Variants in SPTBN1 observed in about 807,000 individuals in gnomAD.
The protein encoded by SPTBN1 is spectrin beta chain, non-erythrocytic 1.
Under a neutral mutation model 266.4 loss-of-function variants are expected in SPTBN1, and 32 were observed. The observed-to-expected ratio is 0.12, with a 90% CI of 0.09 to 0.16. The LOEUF is 0.16. SPTBN1 is among the 10% of genes least tolerant of loss of function. The probability of loss-of-function intolerance (pLI) is 1.00; values close to 1 mark genes in which losing one functional copy is unlikely to be tolerated. For synonymous variants in SPTBN1, 1,336 were observed against 1,162.2 expected (o/e 1.15, Z -3.04); for missense variants, 2,296 against 3,067.1 (o/e 0.75, Z 5.94).
chr2:54,636,828 C>T (rs879754780), intron 17 of SPTBN1, among the ~76,000 whole-genome samples: 42 of 152,212 alleles, frequency 2.8e-4, no homozygotes, highest in Admixed American at 1.3e-3. Flanking sequence ...TCAGGAGTAT[C>T]AAGGAAGTGT....
In SPTBN1 at chr2:54,626,815, G is replaced by A. The variant is rs921913967; in HGVS notation, c.1644+581G>A. ...TAGTATGTGCACAGATCATGGGATGGGCTGGATGGCAGTGGCTGGTCATGC... is the reference window on the plus strand; with the variant it reads ...TAGTATGTGCACAGATCATGGGATGAGCTGGATGGCAGTGGCTGGTCATGC... On this transcript the variant is annotated intron_variant, in intron 12 of 35. Coordinates refer to ENST00000356805, the MANE Select transcript of SPTBN1 (RefSeq NM_003128.3). This position sits in a 1 kb window ranked among gnomAD's most constrained non-coding sequence, Gnocchi z 4.7. Among the ~76,000 whole-genome samples, 14 of 152,202 alleles carry A rather than the reference G, an allele frequency of 9.2e-5. No homozygotes were observed. The highest frequency in any genetic ancestry group is 1.8e-4 in the Non-Finnish European group (12 of 68,038).
intron 1 of SPTBN1, among the ~76,000 whole-genome samples, chr2:54,502,878 A>G (rs1396618968): frequency 6.6e-6 from 1 of 152,166 alleles, no homozygotes; most frequent in Non-Finnish European, 1.5e-5. Context: ...CTTTGCCCTC[A>G]TTGTGTCAGG....
chr2:54,662,177 G>A (rs1345370617), intron 32 of SPTBN1: 4 of 985,282 alleles, frequency 4.1e-6, no homozygotes, highest in Non-Finnish European at 4.8e-6. Flanking sequence ...GTGGGGTTGC[G>A]AGGGATGTGT....
chr2:54,638,850 G>A (rs1458872768), intron 18 of SPTBN1, among the ~76,000 whole-genome samples: 1 of 152,230 alleles, frequency 6.6e-6, no homozygotes, highest in South Asian at 2.1e-4. Flanking sequence ...CACCCTGCAT[G>A]CAAATGTGTG....
intron 2 of SPTBN1, among the ~76,000 whole-genome samples, chr2:54,576,339 C>T (rs901088556): frequency 6.6e-6 from 1 of 152,124 alleles, no homozygotes; most frequent in African/African-American, 2.4e-5. Flanking sequence ...CAGGTGTGAG[C>T]CACCGCGCCC....
intron 2 of SPTBN1, among the ~76,000 whole-genome samples, chr2:54,590,601 C>T (rs1426167084): frequency 6.6e-6 from 1 of 152,144 alleles, no homozygotes; most frequent in African/African-American, 2.4e-5. Flanking sequence ...TAGGAGAGGG[C>T]CTCTTGGTAG....
rs1198609325 is a variant in SPTBN1, at chr2:54,669,209, C to T, written c.*640C>T. On this transcript the variant is annotated 3_prime_UTR_variant, in exon 36 of 36. Transcript: ENST00000356805. ...TCAGTATACAAGAAGGAATAGAAAA[C>T]TGATACTGTTTTAAATAATCTGTAA... The T allele has an allele frequency of 6.6e-6, 1 of 150,558 alleles. No individual in the cohort carries two copies. The highest frequency in any genetic ancestry group is 1.5e-5 in the Non-Finnish European group (1 of 67,918). 9.3% of individuals were successfully genotyped at this position (150,558 alleles called of 1,614,324 possible).
rs1172574743 is a variant in SPTBN1 at position 54,465,266 on chromosome 2, A to G, written c.-48+8748A>G. Among the ~76,000 whole-genome samples the G allele has an allele frequency of 3.9e-5, 6 of 152,278 alleles. No individual in the cohort carries two copies. The East Asian group carries it at 1.2e-3, about 29-fold the overall frequency. ...AACCTAGGCAGCTTGAAAAGAGCAG[A>G]GGACCAGGGTTCTTTGGTATTTCCA... is the stretch of plus-strand genomic sequence containing the variant. On this transcript the variant is annotated intron_variant, in intron 1 of 35. Coordinates refer to ENST00000356805, the MANE Select transcript of SPTBN1 (RefSeq NM_003128.3).
chr2:54,590,659 T>G (rs1675613087), intron 2 of SPTBN1, among the ~76,000 whole-genome samples: 1 of 152,202 alleles, frequency 6.6e-6, no homozygotes, highest in African/African-American at 2.4e-5. Flanking sequence ...AAAACTGCCT[T>G]CTAGGTTAGA....
chr2:54,459,177 ACT>A (rs938958902), intron 1 of SPTBN1, among the ~76,000 whole-genome samples: 81 of 152,252 alleles, frequency 5.3e-4, no homozygotes, highest in African/African-American at 1.8e-3. Context: ...GCTCTTTGTA[ACT>A]CTGTCATTAC....
chr2:54,625,091 C>T (rs1326363377), intron 11 of SPTBN1, 129 bp downstream of exon 11: 1 of 1,059,244 alleles, frequency 9.4e-7, no homozygotes, highest in African/African-American at 1.6e-5. Context: ...CGTCAGGTCA[C>T]CTTGGCCCCT....
intron 1 of SPTBN1, among the ~76,000 whole-genome samples, chr2:54,487,166 A>ATTTTTTTTTTTTTTTTT (rs146845187): frequency 9.6e-6 from 1 of 104,506 alleles, no homozygotes; most frequent in Admixed American, 9.1e-5. Flanking sequence ...CCTCATTAGG[A>ATTTTTTTTTTTTTTTTT]TTTCTTTTTT....
intron 2 of SPTBN1, among the ~76,000 whole-genome samples, chr2:54,564,140 A>AT (rs914618824): frequency 8.7e-4 from 132 of 152,228 alleles, no homozygotes; most frequent in Admixed American, 1.5e-3. Context: ...TTTTTGTTGC[A>AT]TTAAGAATAT....
chr2:54,655,901 C>G lies in SPTBN1; in HGVS notation c.5962-13C>G. On this transcript the variant is annotated splice_polypyrimidine_tract_variant and intron_variant, in intron 28 of 35. Transcript: ENST00000356805. ...TCCATTAAGATGTCCCGGGGATCCT[C>G]TTTTTCATACAGATCAAGGAAAAAT... 6.2e-7 allele frequency: 1 copy of G among 1,609,076 alleles called. No individual in the cohort carries two copies.
At chr2:54,476,297 C>A (rs187938503) in intron 1 of SPTBN1, among the ~76,000 whole-genome samples, 1 of 152,146 alleles carries the variant, frequency 6.6e-6, no homozygotes, top group Admixed American at 6.5e-5. Context: ...GTAATCCTCC[C>A]ATGTAGCCAC....
chr2:54,496,889 C>G (rs1006587075), intron 1 of SPTBN1, among the ~76,000 whole-genome samples: 1 of 152,304 alleles, frequency 6.6e-6, no homozygotes, highest in Non-Finnish European at 1.5e-5. Flanking sequence ...AATGATATTA[C>G]TGTGCTCATG....
At chr2:54,572,101 A>T (rs927959937) in intron 2 of SPTBN1, among the ~76,000 whole-genome samples, 4 of 151,992 alleles carry the variant, frequency 2.6e-5, no homozygotes, top group Non-Finnish European at 5.9e-5. Flanking sequence ...GGTGCTGGGG[A>T]ATTTACTAAA....
rs1253738191 is a variant in SPTBN1 at position 54,630,845 on chromosome 2, G to A, written c.2808-10G>A. On this transcript the variant is annotated splice_polypyrimidine_tract_variant and intron_variant, in intron 15 of 35. Coordinates refer to ENST00000356805, the MANE Select transcript of SPTBN1 (RefSeq NM_003128.3). The stretch of plus-strand genomic sequence containing the variant: ...TTTTTCACACTCGCTGTCTGCCCCT[G>A]CACTCACAGGTGGAGCCAGTTCAGA... 6.4e-7 allele frequency: 1 copy of A among 1,560,372 alleles called. No homozygotes were observed. Among genetic ancestry groups the A allele is most frequent in the Non-Finnish European group, 8.7e-7 (1 of 1,151,408 alleles).
intron 1 of SPTBN1, among the ~76,000 whole-genome samples, chr2:54,505,447 C>G (rs1196725069): frequency 6.6e-6 from 1 of 152,188 alleles, no homozygotes; most frequent in Non-Finnish European, 1.5e-5. Context: ...CCTCTCTGCT[C>G]TCTGCATTTT....
Sources: gnomAD v4.1 joint callset for allele counts (sites outside exome capture counted in the v4.1 genomes callset) on GRCh38, gnomAD v4.1.1 for gene constraint, Gnocchi (gnomAD v3.1) non-coding constraint, MANE v1.5 for transcripts, NCBI Gene and HGNC (gene_info 2026-07-23, HGNC 2026-07-21) for gene names.